Variants in SEZ6L observed in about 807,000 individuals in gnomAD.
SEZ6L encodes the protein seizure 6-like protein.
Under a neutral mutation model 106.2 loss-of-function variants are expected in SEZ6L, and 37 were observed. That is an observed-to-expected ratio of 0.35 (90% confidence interval 0.27 to 0.46). The LOEUF (loss-of-function observed/expected upper bound fraction) is 0.46. Ranked by LOEUF, SEZ6L falls within the 20% of genes least tolerant of loss-of-function variation. The probability of loss-of-function intolerance (pLI) is 1.00; values close to 1 mark genes in which losing one functional copy is unlikely to be tolerated. For synonymous variants in SEZ6L, 541 were observed against 570.4 expected (o/e 0.95, Z 0.73); for missense variants, 1,172 against 1,332.8 (o/e 0.88, Z 1.88).
intron 13 of SEZ6L, among the ~76,000 whole-genome samples, chr22:26,366,539 T>C (rs947450690): frequency 3.3e-5 from 5 of 151,074 alleles, no homozygotes; most frequent in Non-Finnish European, 7.4e-5. Flanking sequence ...AAAAACAAAA[T>C]AATGATAATA....
chr22:26,332,211 G>A (rs867359161), intron 9 of SEZ6L, among the ~76,000 whole-genome samples: 24 of 145,808 alleles, frequency 1.6e-4, no homozygotes, highest in South Asian at 4.5e-4. Flanking sequence ...GTGCAGTGGC[G>A]CGATCTCGGC....
chr22:26,354,953 C>T (rs925690603), intron 12 of SEZ6L, among the ~76,000 whole-genome samples: 5 of 152,202 alleles, frequency 3.3e-5, no homozygotes, highest in Admixed American at 6.5e-5. Context: ...ACGTGACAAG[C>T]GGGTGAGGCT....
Position 26,178,488 on chromosome 22 carries a change from G to A in SEZ6L, c.94+8725G>A, listed in dbSNP as rs376693378. 2.6e-5 allele frequency among the ~76,000 whole-genome samples: 4 copies of A among 152,136 alleles called. No individual in the cohort carries two copies. In the East Asian group the frequency reaches 7.7e-4, roughly 29 times the overall value. On this transcript the variant is annotated intron_variant, in intron 1 of 16. Transcript: ENST00000248933. The stretch of plus-strand genomic sequence containing the variant: ...TAGCTAATGTAGTTGGTGCCAGCCC[G>A]GAGCAAGTAGTAGGGACTGGTGATG...
chr22:26,224,122 C>T (rs943004268), intron 1 of SEZ6L, among the ~76,000 whole-genome samples: 1 of 152,160 alleles, frequency 6.6e-6, no homozygotes, highest in Non-Finnish European at 1.5e-5. Flanking sequence ...TGAAAAATCC[C>T]TAATAACACC....
intron 1 of SEZ6L, among the ~76,000 whole-genome samples, chr22:26,286,888 C>T (rs1756852068): frequency 6.6e-6 from 1 of 151,710 alleles, no homozygotes; most frequent in Non-Finnish European, 1.5e-5. Context: ...GCTGGGATTA[C>T]AGGCCCCTGC....
chr22:26,318,893 AC>A (rs1464582871), intron 9 of SEZ6L, among the ~76,000 whole-genome samples: 1 of 152,076 alleles, frequency 6.6e-6, no homozygotes, highest in African/African-American at 2.4e-5. Context: ...CAAAACAGAA[AC>A]CTTGGCGTTA....
chr22:26,286,434 G>A (rs1200185954), intron 1 of SEZ6L, among the ~76,000 whole-genome samples: 2 of 152,214 alleles, frequency 1.3e-5, no homozygotes, highest in East Asian at 1.9e-4. Context: ...GTAGGAAGGA[G>A]AAAATACACC....
chr22:26,259,975 G>A (rs185186642), intron 1 of SEZ6L, among the ~76,000 whole-genome samples: 2 of 152,236 alleles, frequency 1.3e-5, no homozygotes, highest in Non-Finnish European at 2.9e-5. Context: ...CTGGGAACTT[G>A]AGTGGGGAAA....
intron 1 of SEZ6L, chr22:26,242,755 A>T (rs1425728853): frequency 6.6e-6 from 1 of 152,164 alleles, no homozygotes; most frequent in Non-Finnish European, 1.5e-5. Flanking sequence ...TATTTACCTA[A>T]AAAAATGTTG....
chr22:26,293,047 G>A lies in SEZ6L; in HGVS notation c.736G>A (p.Gly246Ser). 2 of 1,614,044 alleles carry A rather than the reference G, an allele frequency of 1.2e-6. No individual in the cohort carries two copies. The highest frequency in any genetic ancestry group is 1.1e-5 in the South Asian group (1 of 91,082). The change falls in exon 2 of 17, where the codon GGT (glycine) becomes AGT (serine). Residue 246 changes from glycine to serine, a missense_variant. Physicochemically the swap from Gly to Ser is moderately conservative, Grantham distance 56. This residue lies in a region of SEZ6L where 494 missense variants were observed against 445.8 expected (regional missense o/e 1.11). Transcript: ENST00000248933. ...CAGCCCCATGGCCCTGATGGACAAA[G>A]GTGAGAATGAGCTGACTGGGTCAGC... is the stretch of plus-strand genomic sequence containing the variant. ...DTSPMALMDK[G>S]ENELTGSASE...
chr22:26,194,428 G>A (rs535453646), intron 1 of SEZ6L, among the ~76,000 whole-genome samples: 2 of 152,276 alleles, frequency 1.3e-5, no homozygotes, highest in East Asian at 3.9e-4. Context: ...GATTAAATGT[G>A]TGCATGGAGT....
intron 8 of SEZ6L, 108 bp downstream of exon 8, chr22:26,312,070 C>A (rs117773814): frequency 3.6e-6 from 4 of 1,121,468 alleles, no homozygotes; most frequent in African/African-American, 3.1e-5. Flanking sequence ...TTCATACCAA[C>A]TTTAGGATTA....
At chr22:26,269,566 A>G (rs1386292690) in intron 1 of SEZ6L, among the ~76,000 whole-genome samples, 2 of 152,232 alleles carry the variant, frequency 1.3e-5, no homozygotes, top group African/African-American at 4.8e-5. Context: ...TCTTCGACGC[A>G]CCAGCTCCCG....
At chr22:26,221,367 G>A (rs2078464885) in intron 1 of SEZ6L, among the ~76,000 whole-genome samples, 1 of 152,044 alleles carries the variant, frequency 6.6e-6, no homozygotes, top group South Asian at 2.1e-4. Flanking sequence ...GCAGTTTTTA[G>A]CATTGGGTAG....
Position 26,306,120 on chromosome 22 carries a change from G to C in SEZ6L, c.1490G>C (p.Arg497Thr), listed in dbSNP as rs1019104924. The change falls in exon 6 of 17, where the codon AGG becomes ACG. Residue 497 changes from arginine (R) to threonine (T), a missense_variant. Coordinates refer to ENST00000248933, the MANE Select transcript of SEZ6L (RefSeq NM_021115.5). Reference sequence around the variant, plus strand: ...CAGAAGCTGCACCTGCACTTTGAGAGGCTGTTGCTGCATGACAAGGACAGG... The same window carrying C: ...CAGAAGCTGCACCTGCACTTTGAGACGCTGTTGCTGCATGACAAGGACAGG... ...EGQKLHLHFE[R>T]LLLHDKDRMT... 8 of 1,613,826 alleles carry C rather than the reference G, an allele frequency of 5.0e-6. No homozygotes were observed. The highest frequency in any genetic ancestry group is 6.8e-6 in the Non-Finnish European group (8 of 1,180,032).
intron 1 of SEZ6L, among the ~76,000 whole-genome samples, chr22:26,184,534 C>A (rs1331627368): frequency 6.6e-6 from 1 of 152,196 alleles, no homozygotes; most frequent in African/African-American, 2.4e-5. Flanking sequence ...TAATAAATGT[C>A]TACTTTGTGG....
intron 1 of SEZ6L, among the ~76,000 whole-genome samples, chr22:26,187,724 C>A (rs781007133): frequency 6.6e-6 from 1 of 152,136 alleles, no homozygotes; most frequent in Non-Finnish European, 1.5e-5. Flanking sequence ...TCCCAAACCC[C>A]GATCAGACTG....
intron 1 of SEZ6L, among the ~76,000 whole-genome samples, chr22:26,201,136 A>C (rs1940918859): frequency 6.6e-6 from 1 of 152,146 alleles, no homozygotes; most frequent in Admixed American, 6.5e-5. Flanking sequence ...AGCTCTTCAG[A>C]GAGAGCATGT....
intron 1 of SEZ6L, among the ~76,000 whole-genome samples, chr22:26,261,782 C>T (rs139851916): frequency 2.5e-4 from 38 of 152,084 alleles, no homozygotes; most frequent in African/African-American, 3.6e-4. Flanking sequence ...GGTAGATAAG[C>T]GTGAATAAAA....
Sources: allele counts gnomAD v4.1 joint callset (sites outside exome capture counted in the v4.1 genomes callset), GRCh38; gene constraint gnomAD v4.1.1; regional missense constraint gnomAD v4.1.1; transcripts MANE v1.5; gene names NCBI Gene and HGNC (gene_info 2026-07-23, HGNC 2026-07-21).